Variants in HSP90AA1 observed in about 807,000 individuals in gnomAD.
HSP90AA1 encodes the protein heat shock protein HSP 90-alpha.
HSP90AA1 carries 18 observed loss-of-function variants against 73.3 expected under a neutral mutation model. That is an observed-to-expected ratio of 0.25 (90% CI 0.17 to 0.36). The LOEUF (loss-of-function observed/expected upper bound fraction) is 0.36, where lower values mean the gene tolerates loss of function less well. HSP90AA1 is among the 10% of genes least tolerant of loss of function. The pLI is 1.00. For missense variants in HSP90AA1, 704 were observed against 874.2 expected, an observed-to-expected ratio of 0.81 and a Z score of 2.45; for synonymous variants, 477 against 296.9, an observed-to-expected ratio of 1.61 and a Z score of -6.24.
At chr14:102,134,816 G>C (rs567624346) in intron 1 of HSP90AA1, among the ~76,000 whole-genome samples, 7 of 152,158 alleles carry the variant, frequency 4.6e-5, no homozygotes, top group African/African-American at 1.4e-4. Flanking sequence ...TCTACAGTGC[G>C]GAAGTGAACC....
intron 2 of HSP90AA1, among the ~76,000 whole-genome samples, chr14:102,097,386 T>C (rs919442915): frequency 2.0e-5 from 3 of 150,532 alleles, no homozygotes; most frequent in Non-Finnish European, 4.4e-5. Context: ...CCAGGGATTG[T>C]GGATTGTGGA....
rs1444162781 is a variant in HSP90AA1, at chr14:102,121,024, C to CAT, written c.155+18225_155+18226insAT. Among the ~76,000 whole-genome samples, 94 of 10,616 alleles carry CAT rather than the reference C, an allele frequency of 8.9e-3. 3 individuals carry two copies. Among genetic ancestry groups the CAT allele is most frequent in the Admixed American group, 0.044 (16 of 362 alleles). 7.0% of individuals were successfully genotyped at this position (10,616 alleles called of 152,430 possible). Reference sequence around the variant, plus strand: ...ACACACACACACACACACACACATACACACACACACACACACACGTAAAGT... The same window carrying CAT: ...ACACACACACACACACACACACATACATACACACACACACACACACGTAAAGT... On this transcript the variant is annotated intron_variant, in intron 1 of 11. Transcript: ENST00000334701.
intron 2 of HSP90AA1, chr14:102,101,781 G>C (rs951962001): frequency 2.0e-6 from 2 of 992,942 alleles, no homozygotes; most frequent in Middle Eastern, 6.1e-4. Context: ...CATTGTTTTA[G>C]CTTTCTGTGA....
intron 2 of HSP90AA1, among the ~76,000 whole-genome samples, chr14:102,096,212 C>T (rs956341305): frequency 2.6e-5 from 4 of 152,152 alleles, no homozygotes; most frequent in South Asian, 2.1e-4. Flanking sequence ...GAAATAGATA[C>T]GGAGAAAAGG....
chr14:102,097,957 C>A (rs2049445515), intron 2 of HSP90AA1, among the ~76,000 whole-genome samples: 1 of 152,164 alleles, frequency 6.6e-6, no homozygotes, highest in African/African-American at 2.4e-5. Context: ...ACCCCAGCAC[C>A]CGGCTAGTTC....
chr14:102,139,489 C>T (rs1428148845), exon 1 of HSP90AA1: 6 of 1,391,998 alleles, frequency 4.3e-6, no homozygotes, highest in Non-Finnish European at 5.7e-6. Context: ...TTTGGGGTCC[C>T]GGCGCCCCTC....
At chr14:102,099,485 G>T (rs1291181239) in intron 2 of HSP90AA1, among the ~76,000 whole-genome samples, 2 of 152,172 alleles carry the variant, frequency 1.3e-5, no homozygotes, top group East Asian at 3.8e-4. Context: ...TTGGATCTGG[G>T]AGGCAGAGGT....
At chr14:102,087,933 TTTTTTTTTTTTTTTTTTC>T (rs1367739775), upstream of HSP90AA1, among the ~76,000 whole-genome samples, 5 of 99,660 alleles carry the variant, frequency 5.0e-5, no homozygotes, top group South Asian at 1.0e-3. Flanking sequence ...CCTAAAAGGT[TTTTTTTTTTTTTTTTTTC>T]TTTTTTTTTT....
At chr14:102,086,401 T>A (rs1332662916) in intron 1 of HSP90AA1, 23 bp from the exon 2 acceptor site, 4 of 1,613,988 alleles carry the variant, frequency 2.5e-6, no homozygotes, top group Non-Finnish European at 2.5e-6. Flanking sequence ...CGCGCCGGTT[T>A]AAAACCTTGC....
intron 1 of HSP90AA1, among the ~76,000 whole-genome samples, chr14:102,102,877 CAAAAT>C (rs1486464429): frequency 1.3e-5 from 2 of 151,760 alleles, no homozygotes; most frequent in African/African-American, 4.8e-5. Flanking sequence ...AAAAAAGAAA[CAAAAT>C]AAAAAGAAGT....
At chr14:102,083,327 A>C in intron 8 of HSP90AA1, 25 bp from the exon 9 acceptor site, 1 of 1,613,374 alleles carries the variant, frequency 6.2e-7, no homozygotes, top group Non-Finnish European at 8.5e-7. Context: ...AGTTACTTTT[A>C]GACCTTTTAA....
chr14:102,107,207 A>G (rs77826590), intron 1 of HSP90AA1, among the ~76,000 whole-genome samples: 9,403 of 152,018 alleles, frequency 0.062, 1,050 homozygotes, highest in African/African-American at 0.21. Context: ...GTCTGGAAGC[A>G]GTAGTGCCCC....
rs748997915 is a variant in HSP90AA1, at chr14:102,107,491, A to AT, written c.156-5407dup. 4.0e-5 allele frequency among the ~76,000 whole-genome samples: 6 copies of AT among 151,822 alleles called. No individual in the cohort carries two copies. In the East Asian group the frequency reaches 7.7e-4, roughly 20 times the overall value. ...AGGTGCACGCCACCATGCCTAGCTA[A>AT]TTTTTGAATTTTTAATAGCAATGGG... On this transcript the variant is annotated intron_variant, in intron 1 of 11. Transcript: ENST00000334701.
intron 2 of HSP90AA1, among the ~76,000 whole-genome samples, chr14:102,098,378 TCTCCAA>T (rs1432764078): frequency 1.3e-5 from 2 of 151,610 alleles, no homozygotes; most frequent in African/African-American, 2.4e-5. Context: ...GCCAGGTTGG[TCTCCAA>T]CTCCTGACCT....
chr14:102,090,467 T>C (rs2049339866), upstream of HSP90AA1, among the ~76,000 whole-genome samples: 1 of 74,628 alleles, frequency 1.3e-5, no homozygotes, highest in East Asian at 4.7e-4. Context: ...TTTTTTTTTT[T>C]GAGACGGAGT....
chr14:102,127,786 G>C (rs987471422), intron 1 of HSP90AA1, among the ~76,000 whole-genome samples: 1 of 152,044 alleles, frequency 6.6e-6, no homozygotes. Context: ...CGAGTAGCTG[G>C]GACTACAAGT....
chr14:102,086,481 T>C lies in HSP90AA1; in HGVS notation c.1-103A>G, dbSNP rs1003541601. On this transcript the variant is annotated intron_variant, in intron 1 of 10. Transcript: ENST00000216281. Reference sequence around the variant, plus strand: ...ATATTTTTAAAGCCGAATTGGAGATTTGCGAAGTTTAAGTAAACCGAAAAT... The same window carrying C: ...ATATTTTTAAAGCCGAATTGGAGATCTGCGAAGTTTAAGTAAACCGAAAAT... 7.3e-6 allele frequency: 10 copies of C among 1,367,636 alleles called. No individual in the cohort carries two copies. In the Admixed American group the frequency reaches 1.0e-4, roughly 14 times the overall value. The allele number at this position is 1,367,636 out of a possible 1,614,324, so 84.7% of individuals were successfully genotyped here. A position where few individuals can be genotyped will look rare whatever the true frequency, so the allele number is the denominator to read the frequency against.
chr14:102,091,574 C>T (rs894609013), upstream of HSP90AA1, among the ~76,000 whole-genome samples: 4 of 151,862 alleles, frequency 2.6e-5, no homozygotes, highest in African/African-American at 7.2e-5. Context: ...TGCAGTGAGC[C>T]GAGATTGCAC....
intron 1 of HSP90AA1, among the ~76,000 whole-genome samples, chr14:102,119,900 G>T (rs1218152979): frequency 6.6e-6 from 1 of 152,054 alleles, no homozygotes; most frequent in African/African-American, 2.4e-5. Context: ...TGCAAAATTT[G>T]GTATGCATAT....
Sources: allele counts gnomAD v4.1 joint callset (sites outside exome capture counted in the v4.1 genomes callset), GRCh38; gene constraint gnomAD v4.1.1; transcripts MANE v1.5; gene names NCBI Gene and HGNC (gene_info 2026-07-23, HGNC 2026-07-21).